DDX55: variants seen among roughly 807,000 people sequenced by gnomAD.
DDX55 encodes DEAD-box helicase 55, also known as ATP-dependent RNA helicase DDX55.
A neutral mutation model predicts 69.2 loss-of-function variants in DDX55; 56 were observed. The ratio of observed to expected loss-of-function variants is 0.81; its 90% CI spans 0.65 to 1.01. DDX55 has a LOEUF of 1.01. Among genes scored for constraint, DDX55 ranks in the 50% least tolerant of loss-of-function variants. DDX55 has a pLI of 0.00. For synonymous variants in DDX55, 268 were observed against 273.1 expected, an observed-to-expected ratio of 0.98 and a Z score of 0.18; for missense variants, 720 against 745.1, an observed-to-expected ratio of 0.97 and a Z score of 0.39.
chr12:123,603,392 C>CTTTT (rs11438746), intron 1 of DDX55, among the ~76,000 whole-genome samples: 22 of 128,528 alleles, frequency 1.7e-4, no homozygotes, highest in East Asian at 6.9e-4. Flanking sequence ...GGTTTTTATT[C>CTTTT]TTTTTTTTTT....
chr12:123,608,933 T>C (rs1954045730), intron 6 of DDX55, 104 bp downstream of exon 6: 1 of 1,081,164 alleles, frequency 9.2e-7, no homozygotes, highest in African/African-American at 1.6e-5. Flanking sequence ...TTTTATTTTT[T>C]ATTTTCATTT....
chr12:123,615,206 C>T lies in DDX55; in HGVS notation c.846C>T (p.Tyr282=), dbSNP rs934093413. 3.1e-6 allele frequency: 5 copies of T among 1,614,116 alleles called. No individual in the cohort carries two copies. The highest frequency in any genetic ancestry group is 2.7e-5 in the African/African-American group (2 of 75,050). The change falls in exon 9 of 14, where the codon TAC becomes TAT. Residue 282 remains tyrosine, a synonymous_variant. Coordinates refer to ENST00000238146, the MANE Select transcript of DDX55 (RefSeq NM_020936.3). ...GCAGCACCTGTGCCTGTGTGGAATA[C>T]TATGGGAAGGCTCTGGAAGTGCTGG... ...VFFSTCACVE[Y]YGKALEVLVK... is the part of the protein sequence containing the mutation.
At position 123,619,434 on chromosome 12, in the gene DDX55, C is replaced by A. The variant is rs901793147; in HGVS notation, c.1336C>A (p.Leu446Ile). ...ECNLIFRLKD[L>I]DFASLARGFA... ...CTCTGATCTTCTGATTGAATCAGATCTTGATTTTGCCAGCCTTGCTCGAGG... is the reference window on the plus strand; with the variant it reads ...CTCTGATCTTCTGATTGAATCAGATATTGATTTTGCCAGCCTTGCTCGAGG... The change falls in exon 13 of 14, where the codon CTT becomes ATT. Residue 446 changes from leucine (L) to isoleucine (I), a missense_variant and splice_region_variant. Leu to Ile is a conservative substitution (Grantham distance 5). Transcript: ENST00000238146. 1 of 1,611,170 alleles carries A rather than the reference C, an allele frequency of 6.2e-7. No individual in the cohort carries two copies. Among genetic ancestry groups the A allele is most frequent in the African/African-American group, 1.3e-5 (1 of 74,840 alleles).
chr12:123,612,407 A>ACC (rs1207900981), intron 7 of DDX55, among the ~76,000 whole-genome samples: 1 of 152,226 alleles, frequency 6.6e-6, no homozygotes, highest in African/African-American at 2.4e-5. Flanking sequence ...AAATAGGATG[A>ACC]ATGCATTCAG....
chr12:123,614,280 A>G (rs1954490908), intron 8 of DDX55, among the ~76,000 whole-genome samples: 1 of 152,202 alleles, frequency 6.6e-6, no homozygotes, highest in African/African-American at 2.4e-5. Context: ...ACACCACTTC[A>G]TTACATACTA....
At chr12:123,605,648 C>A in intron 1 of DDX55, 1 of 523,236 alleles carries the variant, frequency 1.9e-6, no homozygotes, top group Non-Finnish European at 3.5e-6. Context: ...CCCTAAAACC[C>A]AATGTCTTCA....
Position 123,616,615 on chromosome 12 carries a change from G to A in DDX55, c.1049+12G>A. 1 of 1,612,518 alleles carries A rather than the reference G, an allele frequency of 6.2e-7. No homozygotes were observed. The highest frequency in any genetic ancestry group is 1.3e-5 in the African/African-American group (1 of 75,002). On this transcript the variant is annotated intron_variant, in intron 10 of 13. Coordinates refer to ENST00000238146, the MANE Select transcript of DDX55 (RefSeq NM_020936.3). ...CCCAGCAATGCAAGGTATGGTACGAGGCTGCCACCCACTCTCTGTTGAGGA... is the reference window on the plus strand; with the variant it reads ...CCCAGCAATGCAAGGTATGGTACGAAGCTGCCACCCACTCTCTGTTGAGGA...
In DDX55 at chr12:123,613,402, G is replaced by C. The variant is rs76608317; in HGVS notation, c.824+150G>C. On this transcript the variant is annotated intron_variant, in intron 8 of 13. Coordinates refer to ENST00000238146, the MANE Select transcript of DDX55 (RefSeq NM_020936.3). ...ACTGAAAACCCAACTTTTGTTGTCC[G>C]AACAAGGTTGGCTTTATTTTTCTCC... is the stretch of plus-strand genomic sequence containing the variant. 4.2e-4 allele frequency: 317 copies of C among 763,710 alleles called. 1 individual carries two copies. The African/African-American group carries it at 5.1e-3, about 12-fold the overall frequency. The allele number at this position is 763,710 out of a possible 1,614,324, so 47.3% of individuals were successfully genotyped here.
chr12:123,613,874 C>T (rs1489952566), intron 8 of DDX55, among the ~76,000 whole-genome samples: 1 of 152,090 alleles, frequency 6.6e-6, no homozygotes, highest in African/African-American at 2.4e-5. Flanking sequence ...GGGGTTTTGT[C>T]CTGTGGTCAG....
Position 123,619,798 on chromosome 12 carries a change from T to C in DDX55, c.1626+74T>C, listed in dbSNP as rs540796119. On this transcript the variant is annotated intron_variant, in intron 13 of 13. Transcript: ENST00000238146. Reference sequence around the variant, plus strand: ...TTGTAGTAGTTCTTTAAATAGGAATTGTGTGGGGCTGTCAGATTTCTGTTA... The same window carrying C: ...TTGTAGTAGTTCTTTAAATAGGAATCGTGTGGGGCTGTCAGATTTCTGTTA... 7.2e-5 allele frequency: 110 copies of C among 1,518,530 alleles called. 2 individuals carry two copies. The South Asian group carries it at 1.2e-3, about 17-fold the overall frequency. The allele number at this position is 1,518,530 out of a possible 1,614,324, so 94.1% of individuals were successfully genotyped here.
At chr12:123,619,351 A>C (rs1954972734) in intron 12 of DDX55, 81 bp from the exon 13 acceptor site, 1 of 1,515,090 alleles carries the variant, frequency 6.6e-7, no homozygotes, top group African/African-American at 1.4e-5. Flanking sequence ...CCCTTTGGTT[A>C]GAAAAAAATT....
Position 123,619,671 on chromosome 12 carries a change from A to G in DDX55, c.1573A>G (p.Lys525Glu), listed in dbSNP as rs770332600. 1.9e-6 allele frequency: 3 copies of G among 1,583,390 alleles called. No homozygotes were observed. Among genetic ancestry groups the G allele is most frequent in the South Asian group, 1.2e-5 (1 of 84,116 alleles). Residue 525 changes from lysine (K) to glutamate (E), a missense_variant, in exon 13 of 14, where the codon AAG (lysine) becomes GAG (glutamate). Coordinates refer to ENST00000238146, the MANE Select transcript of DDX55 (RefSeq NM_020936.3). ...FIKNKAWSKQ[K>E]AKKEKKKKMN... is the part of the protein sequence containing the mutation. ...AAAAAATAAAGCTTGGTCAAAGCAG[A>G]AGGCCAAAAAAGAAAAGAAGAAAAA...
intron 7 of DDX55, among the ~76,000 whole-genome samples, chr12:123,611,100 C>T (rs1954207484): frequency 6.6e-6 from 1 of 151,852 alleles, no homozygotes; most frequent in South Asian, 2.1e-4. Context: ...GGGGTTTCAC[C>T]ACATTGGACA....
intron 7 of DDX55, among the ~76,000 whole-genome samples, chr12:123,612,298 G>A (rs1457093352): frequency 6.6e-6 from 1 of 152,196 alleles, no homozygotes; most frequent in East Asian, 1.9e-4. Flanking sequence ...TGGACACACT[G>A]TGGCTACTGT....
intron 10 of DDX55, among the ~76,000 whole-genome samples, chr12:123,617,220 C>T (rs1217057007): frequency 1.3e-5 from 2 of 152,210 alleles, no homozygotes; most frequent in Admixed American, 6.5e-5. Flanking sequence ...AATCGTGATA[C>T]TGTATTGGTA....
intron 10 of DDX55, 54 bp from the exon 11 acceptor site, chr12:123,617,704 G>A: frequency 6.7e-7 from 1 of 1,498,992 alleles, no homozygotes; most frequent in Non-Finnish European, 9.1e-7. Flanking sequence ...TGGAGCCTGA[G>A]CTCTGTTCAG....
At chr12:123,602,378 T>C in intron 1 of DDX55, 122 bp downstream of exon 1, 1 of 909,494 alleles carries the variant, frequency 1.1e-6, no homozygotes. Context: ...CAGCTGGGGC[T>C]CTTGCCTTGT....
At chr12:123,615,379 GC>G in intron 9 of DDX55, 63 bp downstream of exon 9, 20 of 1,587,096 alleles carry the variant, frequency 1.3e-5, no homozygotes, top group Non-Finnish European at 1.7e-5. Context: ...GTCCCCAAAT[GC>G]CCCATTCTCT....
At chr12:123,617,941 G>A (rs750155198) in intron 11 of DDX55, 69 bp downstream of exon 11, 1 of 1,478,586 alleles carries the variant, frequency 6.8e-7, no homozygotes, top group East Asian at 2.3e-5. Context: ...TCCAGCATGT[G>A]GTCAGCAATT....
Sources: allele counts gnomAD v4.1 joint callset (sites outside exome capture counted in the v4.1 genomes callset), GRCh38; gene constraint gnomAD v4.1.1; transcripts MANE v1.5; gene names NCBI Gene and HGNC (gene_info 2026-07-23, HGNC 2026-07-21).